TMOD3: variants seen among roughly 807,000 people sequenced by gnomAD.
The protein encoded by TMOD3 is tropomodulin-3.
A neutral mutation model predicts 39.2 loss-of-function variants in TMOD3; 20 were observed. The observed-to-expected ratio is 0.51, with a 90% confidence interval of 0.36 to 0.74. The LOEUF (loss-of-function observed/expected upper bound fraction) is 0.74. Ranked by LOEUF, TMOD3 falls within the 30% of genes least tolerant of loss-of-function variation. The pLI, the probability that TMOD3 is intolerant of heterozygous loss-of-function variation, is 0.00. For missense variants in TMOD3, 381 were observed against 412.8 expected (o/e 0.92, Z 0.67); for synonymous variants, 143 against 145.8 (o/e 0.98, Z 0.14).
intron 1 of TMOD3, among the ~76,000 whole-genome samples, chr15:51,856,955 C>G (rs759549887): frequency 2.0e-5 from 3 of 151,966 alleles, no homozygotes; most frequent in Admixed American, 6.6e-5. Flanking sequence ...CGCATGTGTA[C>G]CAGGAAATAG....
At chr15:51,891,569 C>A (rs546368250) in intron 5 of TMOD3, among the ~76,000 whole-genome samples, 1 of 152,224 alleles carries the variant, frequency 6.6e-6, no homozygotes, top group East Asian at 1.9e-4. Flanking sequence ...TTCCCATGAA[C>A]CTTTTGCTTA....
chr15:51,875,451 C>G (rs2056497046), intron 3 of TMOD3, among the ~76,000 whole-genome samples: 1 of 152,074 alleles, frequency 6.6e-6, no homozygotes, highest in African/African-American at 2.4e-5. Flanking sequence ...TTGAATGATT[C>G]ACTGTTAACT....
chr15:51,876,792 G>A (rs944944635), intron 3 of TMOD3, among the ~76,000 whole-genome samples: 4 of 151,916 alleles, frequency 2.6e-5, no homozygotes, highest in Non-Finnish European at 5.9e-5. Context: ...AAAATCTTCC[G>A]TCCAGGCATG....
intron 7 of TMOD3, among the ~76,000 whole-genome samples, chr15:51,899,360 G>C (rs2056637447): frequency 1.3e-5 from 2 of 152,076 alleles, no homozygotes; most frequent in South Asian, 4.1e-4. Context: ...GATTATGACT[G>C]GGTACATATG....
At chr15:51,868,789 T>A (rs1370566850) in intron 2 of TMOD3, among the ~76,000 whole-genome samples, 1 of 152,082 alleles carries the variant, frequency 6.6e-6, no homozygotes, top group Non-Finnish European at 1.5e-5. Flanking sequence ...CTGGCCAACA[T>A]GGCAAAACCC....
intron 3 of TMOD3, among the ~76,000 whole-genome samples, chr15:51,874,192 C>A (rs1441620482): frequency 6.6e-6 from 1 of 152,014 alleles, no homozygotes; most frequent in Non-Finnish European, 1.5e-5. Flanking sequence ...TTCTAGATTG[C>A]TAAAAAATGT....
chr15:51,908,933 A>C lies in TMOD3; in HGVS notation c.*123A>C, dbSNP rs1311597031. 3.9e-6 allele frequency: 2 copies of C among 506,702 alleles called. No homozygotes were observed. The highest frequency in any genetic ancestry group is 6.7e-6 in the Non-Finnish European group (2 of 297,710). The allele number at this position is 506,702 out of a possible 1,614,324, so 31.4% of individuals were successfully genotyped here. On this transcript the variant is annotated 3_prime_UTR_variant, in exon 10 of 10. Coordinates refer to ENST00000308580, the MANE Select transcript of TMOD3 (RefSeq NM_014547.5). ...TGGAAAAATTTTTTTAGTGACATGCATTTTTTTTTTAGTTGTTATCAAATT... is the reference window on the plus strand; with the variant it reads ...TGGAAAAATTTTTTTAGTGACATGCCTTTTTTTTTTAGTTGTTATCAAATT...
At chr15:51,836,110 C>T (rs185713151) in intron 1 of TMOD3, among the ~76,000 whole-genome samples, 13 of 152,092 alleles carry the variant, frequency 8.5e-5, no homozygotes, top group African/African-American at 3.1e-4. Context: ...TCATTCCTTC[C>T]CCCTTTCTCT....
Position 51,859,428 on chromosome 15 carries a change from A to G in TMOD3, c.-74-3383A>G, listed in dbSNP as rs79770213. The G allele has an allele frequency of 1.6e-3, 1,039 of 670,110 alleles. 7 individuals are homozygous for G. In the African/African-American group the frequency reaches 0.017, roughly 11 times the overall value. 41.5% of individuals were successfully genotyped at this position (670,110 alleles called of 1,614,324 possible). A position where few individuals can be genotyped will look rare whatever the true frequency, so the allele number is the denominator to read the frequency against. ...TCTTGCAGGATTCTTGCTGTTTTCA[A>G]ACTGAATCATTTTCCTGAAAAAGTC... On this transcript the variant is annotated intron_variant, in intron 1 of 9. Coordinates refer to ENST00000308580, the MANE Select transcript of TMOD3 (RefSeq NM_014547.5).
At chr15:51,877,537 G>A (rs1275964603) in intron 3 of TMOD3, among the ~76,000 whole-genome samples, 3 of 152,090 alleles carry the variant, frequency 2.0e-5, no homozygotes, top group African/African-American at 7.2e-5. Context: ...AAAATTAGCT[G>A]GGTGTGGTGG....
At chr15:51,848,516 T>C (rs1250926884) in intron 1 of TMOD3, among the ~76,000 whole-genome samples, 2 of 152,242 alleles carry the variant, frequency 1.3e-5, no homozygotes, top group African/African-American at 2.4e-5. Flanking sequence ...AGATAACTTA[T>C]TGTTACATTA....
intron 3 of TMOD3, among the ~76,000 whole-genome samples, chr15:51,887,215 C>T (rs1236212734): frequency 1.4e-5 from 2 of 140,016 alleles, no homozygotes; most frequent in African/African-American, 2.7e-5. Context: ...AGTGAGACTC[C>T]ATCTCAAAAA....
chr15:51,850,935 A>G (rs1034301576), intron 1 of TMOD3, among the ~76,000 whole-genome samples: 3 of 152,104 alleles, frequency 2.0e-5, no homozygotes, highest in Admixed American at 6.6e-5. Flanking sequence ...GGGTTTCACC[A>G]TGTTGGTGAA....
At chr15:51,834,979 A>G (rs1393498599) in intron 1 of TMOD3, 1 of 152,228 alleles carries the variant, frequency 6.6e-6, no homozygotes, top group Non-Finnish European at 1.5e-5. Context: ...TTAAATGTTT[A>G]TGCTCCTCTT....
At chr15:51,883,632 G>C (rs1442767090) in intron 3 of TMOD3, among the ~76,000 whole-genome samples, 1 of 152,126 alleles carries the variant, frequency 6.6e-6, no homozygotes, top group African/African-American at 2.4e-5. Context: ...CCATAATCCA[G>C]TTGCTGTCAA....
At chr15:51,884,551 A>G (rs944400075) in intron 3 of TMOD3, 4 of 152,168 alleles carry the variant, frequency 2.6e-5, no homozygotes, top group African/African-American at 4.8e-5. Context: ...AAAGTTGACA[A>G]TTGAGGCTGG....
intron 6 of TMOD3, among the ~76,000 whole-genome samples, chr15:51,895,550 G>C (rs1415838820): frequency 6.6e-6 from 1 of 151,994 alleles, no homozygotes; most frequent in Non-Finnish European, 1.5e-5. Context: ...TGGTCCCTGT[G>C]TATCCCTTTC....
intron 3 of TMOD3, among the ~76,000 whole-genome samples, chr15:51,879,171 C>CATTT (rs1378937188): frequency 6.6e-6 from 1 of 152,158 alleles, no homozygotes; most frequent in African/African-American, 2.4e-5. Context: ...AAGTGCCATA[C>CATTT]ATTTAAATTA....
At chr15:51,872,979 C>G (rs2056483606) in intron 3 of TMOD3, among the ~76,000 whole-genome samples, 1 of 152,146 alleles carries the variant, frequency 6.6e-6, no homozygotes, top group Non-Finnish European at 1.5e-5. Context: ...GTACCATGGA[C>G]CTGAAGGAGG....
Sources: allele counts gnomAD v4.1 joint callset (sites outside exome capture counted in the v4.1 genomes callset), GRCh38; gene constraint gnomAD v4.1.1; transcripts MANE v1.5; gene names NCBI Gene and HGNC (gene_info 2026-07-23, HGNC 2026-07-21).